COL9A3: variants seen among roughly 807,000 people sequenced by gnomAD.
COL9A3 encodes collagen type IX alpha 3 chain.
In COL9A3, 82 loss-of-function variants were observed where a neutral mutation model predicts 110.2. That is an observed-to-expected ratio of 0.74 (90% CI 0.62 to 0.89). The LOEUF (loss-of-function observed/expected upper bound fraction) is 0.89, where lower values mean the gene tolerates loss of function less well. Among genes scored for constraint, COL9A3 ranks in the 40% least tolerant of loss-of-function variants. The pLI, the probability that COL9A3 is intolerant of heterozygous loss-of-function variation, is 0.00. For synonymous variants in COL9A3, 494 were observed against 403.8 expected, an observed-to-expected ratio of 1.22 and a Z score of -2.68; for missense variants, 1,066 against 981.3, an observed-to-expected ratio of 1.09 and a Z score of -1.15.
chr20:62,835,829 G>A (rs2063630413), intron 26 of COL9A3, 92 bp from the exon 27 acceptor site: 5 of 1,287,360 alleles, frequency 3.9e-6, no homozygotes, highest in Non-Finnish European at 5.7e-6. Flanking sequence ...TAGCAGGTGT[G>A]TGGATGATTT....
chr20:62,827,001 T>C (rs950637305), intron 15 of COL9A3, among the ~76,000 whole-genome samples, 181 bp downstream of exon 15: 9 of 152,166 alleles, frequency 5.9e-5, no homozygotes, highest in African/African-American at 2.2e-4. Context: ...ATCCATTCTT[T>C]GTGAGACATT....
chr20:62,819,086 T>C (rs2147196383), intron 3 of COL9A3, 136 bp from the exon 4 acceptor site: 3 of 889,934 alleles, frequency 3.4e-6, no homozygotes, highest in Non-Finnish European at 5.5e-6. Flanking sequence ...TGCCAGACAG[T>C]AGGGGGGACC....
chr20:62,833,466 C>T (rs949735196), intron 26 of COL9A3, among the ~76,000 whole-genome samples: 5 of 152,218 alleles, frequency 3.3e-5, no homozygotes, highest in African/African-American at 7.2e-5. Flanking sequence ...TGCAGTGGCG[C>T]GATCTCGGCT....
intron 16 of COL9A3, 26 bp downstream of exon 16, chr20:62,827,320 T>A: frequency 6.2e-7 from 1 of 1,611,704 alleles, no homozygotes; most frequent in South Asian, 1.1e-5. Flanking sequence ...GTTGGTTCCC[T>A]GGGTCCTTAT....
intron 26 of COL9A3, among the ~76,000 whole-genome samples, chr20:62,835,124 G>A (rs183593708): frequency 9.2e-5 from 14 of 152,364 alleles, no homozygotes; most frequent in South Asian, 4.1e-4. Context: ...CCTGGCCTCC[G>A]CGGAGCATGC....
rs1167972821 is a variant in COL9A3, at chr20:62,817,625, A to G, written c.137A>G (p.Asp46Gly). The G allele has an allele frequency of 1.3e-6, 2 of 1,540,632 alleles. No individual in the cohort carries two copies. The highest frequency in any genetic ancestry group is 8.8e-7 in the Non-Finnish European group (1 of 1,141,726). Residue 46 changes from aspartate to glycine, a missense_variant, in exon 2 of 32, where the codon GAC (aspartate) becomes GGC (glycine). Transcript: ENST00000649368. ...PPGPPGKPGQ[D>G]GIDGEAGPPG... The stretch of plus-strand genomic sequence containing the variant: ...GGGCCGCCCGGGAAGCCCGGCCAGG[A>G]CGGCATTGACGTGAGTTTGGGGGTG...
intron 5 of COL9A3, 85 bp from the exon 6 acceptor site, chr20:62,821,096 G>C: frequency 7.2e-7 from 1 of 1,387,594 alleles, no homozygotes; most frequent in South Asian, 1.2e-5. Flanking sequence ...GGGAGTTGGA[G>C]TTGTGACGTC....
At chr20:62,824,077 G>A (rs1162200783) in intron 10 of COL9A3, among the ~76,000 whole-genome samples, 2 of 140,754 alleles carry the variant, frequency 1.4e-5, no homozygotes, top group Non-Finnish European at 3.1e-5. Context: ...CGACACCCGC[G>A]CGGAGTGGCC....
intron 5 of COL9A3, 55 bp from the exon 6 acceptor site, chr20:62,821,126 T>C (rs111329439): frequency 3.0e-5 from 47 of 1,575,130 alleles, no homozygotes; most frequent in African/African-American, 9.4e-5. Flanking sequence ...AGGGAGGGGA[T>C]TGGGTTTGCA....
intron 26 of COL9A3, among the ~76,000 whole-genome samples, chr20:62,835,128 A>G (rs2063625410): frequency 6.6e-6 from 1 of 152,130 alleles, no homozygotes; most frequent in Admixed American, 6.5e-5. Context: ...GCCTCCGCGG[A>G]GCATGCTGTC....
At chr20:62,836,979 C>G in intron 29 of COL9A3, 104 bp from the exon 30 acceptor site, 1 of 1,440,074 alleles carries the variant, frequency 6.9e-7, no homozygotes, top group Non-Finnish European at 9.7e-7. Context: ...AGAAGGAAAA[C>G]TTGCTTCTGG....
chr20:62,841,133 T>TTAATG lies in COL9A3; in HGVS notation c.*404_*408dup, dbSNP rs2063675635. The TTAATG allele has an allele frequency of 4.6e-6, 1 of 218,378 alleles. No homozygotes were observed. The highest frequency in any genetic ancestry group is 5.3e-5 in the Admixed American group (1 of 19,002). The allele number at this position is 218,378 out of a possible 1,614,324, so 13.5% of individuals were successfully genotyped here. ...TACAGAGTAACAAAAAATAAAGAATTTAATGTACAGTAAATTCTCTCCCAT... is the reference window on the plus strand; with the variant it reads ...TACAGAGTAACAAAAAATAAAGAATTTAATGTAATGTACAGTAAATTCTCTCCCAT... On this transcript the variant is annotated 3_prime_UTR_variant, in exon 32 of 32. Coordinates refer to ENST00000649368, the MANE Select transcript of COL9A3 (RefSeq NM_001853.4).
At position 62,840,866 on chromosome 20, in the gene COL9A3, G is replaced by A. The variant is rs115193255; in HGVS notation, c.*134G>A. The A allele has an allele frequency of 7.9e-3, 8,080 of 1,019,702 alleles. 421 individuals are homozygous for A. In the African/African-American group the frequency reaches 0.11, roughly 14 times the overall value. 63.2% of individuals were successfully genotyped at this position (1,019,702 alleles called of 1,614,324 possible). On this transcript the variant is annotated 3_prime_UTR_variant, in exon 32 of 32. Transcript: ENST00000649368. ...GCTGCCCCTCGGCCGCCGACTGGACGCGCGGGCCTTGCCAGCGAGCACCCT... is the reference window on the plus strand; with the variant it reads ...GCTGCCCCTCGGCCGCCGACTGGACACGCGGGCCTTGCCAGCGAGCACCCT...
rs368189788 is a variant in COL9A3 at position 62,837,294 on chromosome 20, C to A, written c.1786+29C>A. The A allele has an allele frequency of 7.5e-6, 12 of 1,601,248 alleles. No homozygotes were observed. In the Admixed American group the frequency reaches 1.0e-4, roughly 14 times the overall value. On this transcript the variant is annotated intron_variant, in intron 30 of 31. Coordinates refer to ENST00000649368, the MANE Select transcript of COL9A3 (RefSeq NM_001853.4). ...AGTGTTTGACCCCATGACACGGTCACCCTGCTGTAAAAATCCCTGAGACTG... is the reference window on the plus strand; with the variant it reads ...AGTGTTTGACCCCATGACACGGTCAACCTGCTGTAAAAATCCCTGAGACTG...
Position 62,838,765 on chromosome 20 carries a change from C to G in COL9A3, c.1864+4C>G, listed in dbSNP as rs1363470807. 6.4e-7 allele frequency: 1 copy of G among 1,551,210 alleles called. No homozygotes were observed. Among genetic ancestry groups the G allele is most frequent in the Non-Finnish European group, 8.7e-7 (1 of 1,146,692 alleles). On this transcript the variant is annotated splice_donor_region_variant and intron_variant, in intron 31 of 31. Transcript: ENST00000649368. ...GAAGGAGACCAGGGGCCCCAAGGTA[C>G]GAGTCCACGGCCAGCAAGGCTTCAC... is the stretch of plus-strand genomic sequence containing the variant.
At chr20:62,820,507 C>T (rs1470489010) in intron 5 of COL9A3, among the ~76,000 whole-genome samples, 5 of 152,180 alleles carry the variant, frequency 3.3e-5, no homozygotes, top group South Asian at 4.1e-4. Context: ...TGGCCCCAGG[C>T]GCAAAGCATC....
chr20:62,832,759 A>G, intron 25 of COL9A3: 2 of 401,108 alleles, frequency 5.0e-6, no homozygotes, highest in Non-Finnish European at 9.4e-6. Flanking sequence ...CAGCCATCGA[A>G]CCCCCACCGC....
At chr20:62,830,103 G>A (rs923853970) in intron 22 of COL9A3, among the ~76,000 whole-genome samples, 1 of 152,124 alleles carries the variant, frequency 6.6e-6, no homozygotes, top group African/African-American at 2.4e-5. Flanking sequence ...GGGCCCTGGT[G>A]GGGGGAGCCA....
Position 62,827,967 on chromosome 20 carries a change from C to T in COL9A3, c.891C>T (p.Ser297=), listed in dbSNP as rs142412708. 1.1e-3 allele frequency: 1,761 copies of T among 1,612,882 alleles called. 13 individuals are homozygous for T. In the Middle Eastern group the frequency reaches 0.013, roughly 12 times the overall value. Residue 297 remains serine (S), a synonymous_variant, in exon 17 of 32, where the codon AGC becomes AGT. Coordinates refer to ENST00000649368, the MANE Select transcript of COL9A3 (RefSeq NM_001853.4). ...GAACCCCCGGAGTGGCCGGGCCAAG[C>T]GGAGAGCCGGTGAGTGCACGTGGCT... ...PKGTPGVAGP[S]GEPGMPGKDG... is the part of the protein sequence containing the mutation.
Sources: allele counts gnomAD v4.1 joint callset (sites outside exome capture counted in the v4.1 genomes callset), GRCh38; gene constraint gnomAD v4.1.1; transcripts MANE v1.5; gene names NCBI Gene and HGNC (gene_info 2026-07-23, HGNC 2026-07-21).